Variants in SIRPA observed in about 807,000 individuals in gnomAD.
SIRPA encodes signal regulatory protein alpha, also known as tyrosine-protein phosphatase non-receptor type substrate 1.
A neutral mutation model predicts 50.3 loss-of-function variants in SIRPA; 9 were observed. That is an observed-to-expected ratio of 0.18 (90% CI 0.11 to 0.31). The LOEUF (loss-of-function observed/expected upper bound fraction) is 0.31. SIRPA is among the 10% of genes least tolerant of loss of function. The probability of loss-of-function intolerance (pLI) is 1.00; values close to 1 mark genes in which losing one functional copy is unlikely to be tolerated. For synonymous variants in SIRPA, 265 were observed against 284.1 expected (o/e 0.93, Z 0.68); for missense variants, 474 against 661.6 (o/e 0.72, Z 3.11).
At chr20:1,935,897 G>A (rs753063392) in intron 7 of SIRPA, among the ~76,000 whole-genome samples, 8 of 152,190 alleles carry the variant, frequency 5.3e-5, no homozygotes, top group East Asian at 1.9e-4. Context: ...ATGAGAGCAC[G>A]CAGGGCTCAG....
At position 1,898,727 on chromosome 20, in the gene SIRPA, G is replaced by A. The variant is rs904776304; in HGVS notation, c.79+3201G>A. ...GTGAGAGAGGCCCCTTTCTGGCCTTGGGTGGAGGACTGTAGAAGAGTTCTT... is the reference window on the plus strand; with the variant it reads ...GTGAGAGAGGCCCCTTTCTGGCCTTAGGTGGAGGACTGTAGAAGAGTTCTT... On this transcript the variant is annotated intron_variant, in intron 1 of 7. Transcript: ENST00000358771. The surrounding 1 kb of genome is among the most constrained non-coding windows in gnomAD (Gnocchi z 4.3). Among the ~76,000 whole-genome samples, 1 of 152,002 alleles carries A rather than the reference G, an allele frequency of 6.6e-6. No individual in the cohort carries two copies. Among genetic ancestry groups the A allele is most frequent in the African/African-American group, 2.4e-5 (1 of 41,374 alleles).
chr20:1,895,102 C>T (rs1469903495), upstream of SIRPA, among the ~76,000 whole-genome samples: 2 of 151,368 alleles, frequency 1.3e-5, no homozygotes, highest in Non-Finnish European at 3.0e-5. Context: ...CTCTCCCCCT[C>T]TTTCTCCCCC....
rs564993522 is a variant in SIRPA at position 1,928,181 on chromosome 20, G to A, written c.1226+282G>A. On this transcript the variant is annotated intron_variant, in intron 6 of 7. Coordinates refer to ENST00000358771, the MANE Select transcript of SIRPA (RefSeq NM_001040023.2). This position sits in a 1 kb window ranked among gnomAD's most constrained non-coding sequence, Gnocchi z 4.9. The stretch of plus-strand genomic sequence containing the variant: ...ATGTGGACTGGGGCAGAGACCTCCC[G>A]GGCTTTCTGTCCTCACAGACATCCT... Among the ~76,000 whole-genome samples the A allele has an allele frequency of 1.3e-3, 198 of 152,214 alleles. No homozygotes were observed. The highest frequency in any genetic ancestry group is 4.2e-3 in the African/African-American group (175 of 41,526).
intron 1 of SIRPA, among the ~76,000 whole-genome samples, chr20:1,903,800 G>A (rs957197276): frequency 6.6e-6 from 1 of 152,164 alleles, no homozygotes; most frequent in African/African-American, 2.4e-5. Flanking sequence ...TTCCAAAAGA[G>A]GTTATCGCTT....
chr20:1,917,695 A>C (rs900979064), intron 2 of SIRPA, among the ~76,000 whole-genome samples: 4 of 152,180 alleles, frequency 2.6e-5, no homozygotes, highest in Non-Finnish European at 5.9e-5. Context: ...GGCCTCCTGC[A>C]GCCCAGCAGA....
chr20:1,916,243 C>G (rs149131215), intron 2 of SIRPA, among the ~76,000 whole-genome samples: 434 of 152,270 alleles, frequency 2.9e-3, no homozygotes, highest in African/African-American at 0.01. Context: ...TGCCAGAGCC[C>G]CAGGATCCTT....
chr20:1,937,440 G>A lies in SIRPA; in HGVS notation c.1387G>A (p.Ala463Thr), dbSNP rs147232069. ...CAGCATTCAGACCAGCCCGCAGCCC[G>A]CGTCGGAGGACACCCTCACCTATGC... ...YASIQTSPQP[A>T]SEDTLTYADL... Residue 463 changes from alanine to threonine, a missense_variant, in exon 8 of 8, where the codon GCG becomes ACG. Transcript: ENST00000358771. The surrounding 1 kb of genome is among the most constrained non-coding windows in gnomAD (Gnocchi z 8.3). The A allele has an allele frequency of 1.0e-3, 1,630 of 1,614,072 alleles. 3 individuals carry two copies. The highest frequency in any genetic ancestry group is 1.3e-3 in the Non-Finnish European group (1,531 of 1,180,022).
chr20:1,901,955 C>T (rs888964355), intron 1 of SIRPA, among the ~76,000 whole-genome samples: 8 of 152,106 alleles, frequency 5.3e-5, no homozygotes, highest in Non-Finnish European at 1.0e-4. Context: ...TCAGGCCGAC[C>T]GTCGGTGTTC....
intron 1 of SIRPA, among the ~76,000 whole-genome samples, chr20:1,904,835 C>A (rs1984452058): frequency 6.6e-6 from 1 of 152,132 alleles, no homozygotes; most frequent in Non-Finnish European, 1.5e-5. Flanking sequence ...GCATGTCCTC[C>A]TGGCCCTTTG....
chr20:1,921,360 G>A, intron 2 of SIRPA, 35 bp from the exon 3 acceptor site: 1 of 1,610,448 alleles, frequency 6.2e-7, no homozygotes. Context: ...TGTCATCTGA[G>A]TCATGTCTCC....
At chr20:1,929,049 T>A (rs1384146088) in intron 6 of SIRPA, among the ~76,000 whole-genome samples, 2 of 152,168 alleles carry the variant, frequency 1.3e-5, no homozygotes, top group Non-Finnish European at 2.9e-5. Flanking sequence ...TGCCAGCAAC[T>A]GCATAGTGCC....
In SIRPA at chr20:1,915,188, G is replaced by T. The variant is rs776144552; in HGVS notation, c.169G>T (p.Ala57Ser). Residue 57 changes from alanine (A) to serine (S), a missense_variant, in exon 2 of 8, where the codon GCG becomes TCG. Coordinates refer to ENST00000358771, the MANE Select transcript of SIRPA (RefSeq NM_001040023.2). Reference sequence around the variant, plus strand: ...AGAGACAGCCACTCTGCGCTGCACTGCGACCTCTCTGATCCCTGTGGGGCC... The same window carrying T: ...AGAGACAGCCACTCTGCGCTGCACTTCGACCTCTCTGATCCCTGTGGGGCC... ...AGETATLRCT[A>S]TSLIPVGPIQ... 1 of 1,486,148 alleles carries T rather than the reference G, an allele frequency of 6.7e-7. No homozygotes were observed. The highest frequency in any genetic ancestry group is 1.8e-5 in the Admixed American group (1 of 54,064). 92.1% of individuals were successfully genotyped at this position (1,486,148 alleles called of 1,614,324 possible). A position where few individuals can be genotyped will look rare whatever the true frequency, so the allele number is the denominator to read the frequency against.
chr20:1,929,264 G>A (rs760976534), intron 6 of SIRPA, among the ~76,000 whole-genome samples: 3 of 152,096 alleles, frequency 2.0e-5, no homozygotes, highest in Non-Finnish European at 4.4e-5. Context: ...GTGAGGATGT[G>A]TAGGTGACCA....
intron 1 of SIRPA, among the ~76,000 whole-genome samples, chr20:1,910,824 C>G (rs1399643808): frequency 6.6e-6 from 1 of 152,276 alleles, no homozygotes; most frequent in South Asian, 2.1e-4. Context: ...AAGAGAGTTA[C>G]ATTTTATAGC....
intron 1 of SIRPA, among the ~76,000 whole-genome samples, chr20:1,899,097 C>A (rs1285653243): frequency 6.6e-6 from 1 of 151,940 alleles, no homozygotes; most frequent in Non-Finnish European, 1.5e-5. Flanking sequence ...CGGAAGGTTT[C>A]CCCCCTCTCT....
At chr20:1,899,796 C>G (rs1371692356) in intron 1 of SIRPA, among the ~76,000 whole-genome samples, 3 of 152,186 alleles carry the variant, frequency 2.0e-5, no homozygotes, top group Non-Finnish European at 2.9e-5. Flanking sequence ...GAATCTGTGT[C>G]TCATTTTGCT....
chr20:1,912,327 A>G (rs1984940677), intron 1 of SIRPA, among the ~76,000 whole-genome samples: 3 of 152,216 alleles, frequency 2.0e-5, no homozygotes, highest in Admixed American at 2.0e-4. Flanking sequence ...AAGGATAATA[A>G]TAACTGCAAG....
rs1435182440 is a variant in SIRPA at position 1,924,236 on chromosome 20, C to A, written c.1088-528C>A. On this transcript the variant is annotated intron_variant, in intron 4 of 7. Transcript: ENST00000358771. This position sits in a 1 kb window ranked among gnomAD's most constrained non-coding sequence, Gnocchi z 4.5. ...ATGACCCCCTTACCTGTGCTGTGGGCAGTCAAGCCTCCATTGTATTTTCAA... is the reference window on the plus strand; with the variant it reads ...ATGACCCCCTTACCTGTGCTGTGGGAAGTCAAGCCTCCATTGTATTTTCAA... Among the ~76,000 whole-genome samples, 2 of 152,220 alleles carry A rather than the reference C, an allele frequency of 1.3e-5. No individual in the cohort carries two copies. Among genetic ancestry groups the A allele is most frequent in the Non-Finnish European group, 2.9e-5 (2 of 68,030 alleles).
intron 1 of SIRPA, among the ~76,000 whole-genome samples, chr20:1,897,580 T>G (rs983476617): frequency 6.6e-6 from 1 of 152,214 alleles, no homozygotes; most frequent in South Asian, 2.1e-4. Flanking sequence ...AAGGAGGCAG[T>G]TGTCCAATTT....
Sources: allele counts gnomAD v4.1 joint callset (sites outside exome capture counted in the v4.1 genomes callset), GRCh38; gene constraint gnomAD v4.1.1; non-coding constraint Gnocchi (gnomAD v3.1); transcripts MANE v1.5; gene names NCBI Gene and HGNC (gene_info 2026-07-23, HGNC 2026-07-21).